PDE4D: variants seen among roughly 807,000 people sequenced by gnomAD.
PDE4D encodes the protein 3',5'-cyclic-AMP phosphodiesterase 4D.
PDE4D carries 24 observed loss-of-function variants against 87.4 expected under a neutral mutation model. The observed-to-expected ratio is 0.27, with a 90% CI of 0.20 to 0.39. PDE4D has a LOEUF of 0.39. Ranked by LOEUF, PDE4D falls within the 10% of genes least tolerant of loss-of-function variation. The probability of loss-of-function intolerance (pLI) is 1.00; values close to 1 mark genes in which losing one functional copy is unlikely to be tolerated. For missense variants in PDE4D, 714 were observed against 1,041.0 expected, an observed-to-expected ratio of 0.69 and a Z score of 4.32; for synonymous variants, 384 against 383.2, an observed-to-expected ratio of 1.00 and a Z score of -0.02.
intron 2 of PDE4D, among the ~76,000 whole-genome samples, chr5:60,015,897 T>G (rs1156775835): frequency 6.6e-6 from 1 of 151,826 alleles, no homozygotes; most frequent in Non-Finnish European, 1.5e-5. Flanking sequence ...TTCTTTTTTT[T>G]TTTTTTTTGA....
intron 1 of PDE4D, among the ~76,000 whole-genome samples, chr5:59,421,326 G>C (rs1582516729): frequency 6.6e-6 from 1 of 152,254 alleles, no homozygotes. Flanking sequence ...GCAGAAATGT[G>C]AATATTGCTA....
intron 1 of PDE4D, among the ~76,000 whole-genome samples, chr5:60,510,311 C>T (rs2150254707): frequency 6.6e-6 from 1 of 152,314 alleles, no homozygotes; most frequent in Middle Eastern, 3.4e-3. Flanking sequence ...ACAGAGACAG[C>T]ATTCTGCAAA....
At chr5:60,143,823 A>G (rs558631219) in intron 2 of PDE4D, among the ~76,000 whole-genome samples, 293 of 152,292 alleles carry the variant, frequency 1.9e-3, no homozygotes, top group African/African-American at 6.7e-3. Context: ...AATTAGACAC[A>G]TAAGATCCCA....
intron 1 of PDE4D, among the ~76,000 whole-genome samples, chr5:59,622,486 T>C (rs1830457308): frequency 6.6e-6 from 1 of 152,182 alleles, no homozygotes; most frequent in Non-Finnish European, 1.5e-5. Flanking sequence ...AGATCTCAAG[T>C]CTATGATCTT....
At chr5:59,086,836 T>C (rs147797279) in intron 5 of PDE4D, among the ~76,000 whole-genome samples, 128 of 152,296 alleles carry the variant, frequency 8.4e-4, no homozygotes, top group African/African-American at 2.9e-3. Flanking sequence ...AAATAACTAT[T>C]AGATTCTTCT....
intron 2 of PDE4D, among the ~76,000 whole-genome samples, chr5:60,084,426 G>GC (rs1774317332): frequency 6.6e-6 from 1 of 151,942 alleles, no homozygotes; most frequent in African/African-American, 2.4e-5. Context: ...GTGTGCGCAT[G>GC]CGCACGCATG....
chr5:60,392,107 C>A (rs1041192788), intron 1 of PDE4D, among the ~76,000 whole-genome samples: 9 of 152,110 alleles, frequency 5.9e-5, no homozygotes, highest in Admixed American at 6.6e-5. Flanking sequence ...GTGGAGAAAT[C>A]TTTTTATAGA....
chr5:59,174,378 A>G (rs1316418470), intron 5 of PDE4D: 1 of 152,610 alleles, frequency 6.6e-6, no homozygotes, highest in African/African-American at 2.4e-5. Flanking sequence ...TATTTTCTGG[A>G]CTAAAACCAC....
intron 2 of PDE4D, among the ~76,000 whole-genome samples, chr5:59,213,253 C>T (rs1271569742): frequency 6.6e-6 from 1 of 151,664 alleles, no homozygotes; most frequent in African/African-American, 2.4e-5. Flanking sequence ...CAACCCTGAA[C>T]TCCCAGGCTC....
Position 59,623,704 on chromosome 5 carries a change from C to T in PDE4D, c.455+269464G>A, listed in dbSNP as rs143165154. ...CTTCTGTACCTTCTAGACTGTTGAG[C>T]GTTACTAGAAAAAAAGATTAGTCAT... On this transcript the variant is annotated intron_variant, in intron 1 of 14. Transcript: ENST00000340635. Among the ~76,000 whole-genome samples, 256 of 152,076 alleles carry T rather than the reference C, an allele frequency of 1.7e-3. 2 individuals carry two copies. The highest frequency in any genetic ancestry group is 6.0e-3 in the African/African-American group (247 of 41,490).
intron 1 of PDE4D, among the ~76,000 whole-genome samples, chr5:60,326,902 T>C (rs754783626): frequency 3.9e-5 from 6 of 152,152 alleles, no homozygotes; most frequent in Non-Finnish European, 4.4e-5. Context: ...GTATTTTCAC[T>C]GAGGTAGACA....
chr5:59,884,332 C>T (rs1187449864), intron 1 of PDE4D, among the ~76,000 whole-genome samples: 1 of 151,750 alleles, frequency 6.6e-6, no homozygotes, highest in Non-Finnish European at 1.5e-5. Context: ...CACCTACATA[C>T]ATAACTATAG....
intron 1 of PDE4D, among the ~76,000 whole-genome samples, chr5:59,251,924 G>A (rs546980426): frequency 6.6e-6 from 1 of 152,152 alleles, no homozygotes; most frequent in East Asian, 1.9e-4. Flanking sequence ...CACAGAAACA[G>A]AAAACCAAAT....
At chr5:60,237,872 C>T (rs75347962) in intron 1 of PDE4D, among the ~76,000 whole-genome samples, 10,797 of 151,890 alleles carry the variant, frequency 0.071, 433 homozygotes, top group Non-Finnish European at 0.097. Context: ...TTTGCAACTT[C>T]CTATGAATCT....
intron 1 of PDE4D, among the ~76,000 whole-genome samples, chr5:60,507,690 T>C (rs1214976082): frequency 6.6e-6 from 1 of 152,130 alleles, no homozygotes; most frequent in Non-Finnish European, 1.5e-5. Flanking sequence ...GGATACAAAA[T>C]ACAATGTCAA....
At chr5:60,284,781 G>C (rs1371910954) in intron 1 of PDE4D, among the ~76,000 whole-genome samples, 2 of 151,966 alleles carry the variant, frequency 1.3e-5, no homozygotes, top group Non-Finnish European at 2.9e-5. Flanking sequence ...ATTCAGGATA[G>C]GTAGTTGGCC....
At chr5:59,590,453 G>A (rs1825763900) in intron 1 of PDE4D, among the ~76,000 whole-genome samples, 1 of 152,158 alleles carries the variant, frequency 6.6e-6, no homozygotes, top group Non-Finnish European at 1.5e-5. Flanking sequence ...GCTGATGCAG[G>A]AGGATAACTT....
chr5:60,259,187 T>A (rs926466295), intron 1 of PDE4D, among the ~76,000 whole-genome samples: 8 of 152,076 alleles, frequency 5.3e-5, no homozygotes, highest in African/African-American at 1.7e-4. Flanking sequence ...GAAATAAATG[T>A]ATATAAGACA....
At chr5:58,997,891 A>C (rs1749600015) in intron 6 of PDE4D, among the ~76,000 whole-genome samples, 1 of 152,136 alleles carries the variant, frequency 6.6e-6, no homozygotes, top group Non-Finnish European at 1.5e-5. Context: ...AATGTCCTTA[A>C]ATGTAATCTC....
Sources: allele counts gnomAD v4.1 joint callset (sites outside exome capture counted in the v4.1 genomes callset), GRCh38; gene constraint gnomAD v4.1.1; transcripts MANE v1.5; gene names NCBI Gene and HGNC (gene_info 2026-07-23, HGNC 2026-07-21).